The following ELF4 variants were observed in gnomAD, a reference collection of about 807,000 sequenced individuals.
The protein encoded by ELF4 is E74 like ETS transcription factor 4, also known as ETS-related transcription factor Elf-4.
Under a neutral mutation model 31.7 loss-of-function variants are expected in ELF4, and 10 were observed. The observed-to-expected ratio is 0.32, with a 90% CI of 0.19 to 0.54. The LOEUF is 0.54. Among genes scored for constraint, ELF4 ranks in the 20% least tolerant of loss-of-function variants. The probability of loss-of-function intolerance (pLI) is 0.95; values close to 1 mark genes in which losing one functional copy is unlikely to be tolerated. For missense variants in ELF4, 418 were observed against 522.0 expected (o/e 0.80, Z 1.94); for synonymous variants, 208 against 226.7 (o/e 0.92, Z 0.74).
In ELF4 at chrX:130,064,873, A is replaced by AT. The variant is rs905962726; in HGVS notation, c.*1847dup. Reference sequence around the variant, plus strand: ...AACCCATGCAGCACCTTTATGCAAAATTTTTTTTTAATGGTGACCCTTTAT... The same window carrying AT: ...AACCCATGCAGCACCTTTATGCAAAATTTTTTTTTTAATGGTGACCCTTTAT... On this transcript the variant is annotated 3_prime_UTR_variant, in exon 9 of 9. Transcript: ENST00000308167. The AT allele has an allele frequency of 1.0e-3, 139 of 139,443 alleles. No homozygotes were observed. Among genetic ancestry groups the AT allele is most frequent in the Non-Finnish European group, 1.4e-3 (99 of 69,674 alleles). 11.5% of individuals were successfully genotyped at this position (139,443 alleles called of 1,213,427 possible). A position where few individuals can be genotyped will look rare whatever the true frequency, so the allele number is the denominator to read the frequency against.
At chrX:130,076,800 A>G (rs1385026043) in intron 2 of ELF4, among the ~76,000 whole-genome samples, 1 of 110,799 alleles carries the variant, frequency 9.0e-6, no homozygotes, top group Non-Finnish European at 1.9e-5. Context: ...TATTTTCCAA[A>G]TTTTCTTTCA....
chrX:130,090,297 C>T lies in ELF4; in HGVS notation c.-209-8758G>A, dbSNP rs749087915. ...CTGAAGCAGGAGAATTGCTTGAACC[C>T]GGGAGATGGAGGTTGCAGTGAGCCA... On this transcript the variant is annotated intron_variant, in intron 1 of 8. Transcript: ENST00000308167. 8.2e-5 allele frequency among the ~76,000 whole-genome samples: 9 copies of T among 109,686 alleles called. No homozygotes were observed. In the South Asian group the frequency reaches 3.1e-3, roughly 38 times the overall value.
intron 2 of ELF4, among the ~76,000 whole-genome samples, chrX:130,077,925 A>T (rs1158533308): frequency 8.9e-6 from 1 of 112,062 alleles, no homozygotes; most frequent in Non-Finnish European, 1.9e-5. Flanking sequence ...ATACATGTCT[A>T]CATCTAAATA....
intron 1 of ELF4, among the ~76,000 whole-genome samples, chrX:130,088,010 T>G (rs1932988379): frequency 9.0e-6 from 1 of 110,917 alleles, no homozygotes; most frequent in Admixed American, 9.6e-5. Flanking sequence ...CCTGGAACTG[T>G]GGAATGAGAA....
chrX:130,069,360 G>A lies in ELF4; in HGVS notation c.1127C>T (p.Thr376Ile). 8.2e-7 allele frequency: 1 copy of A among 1,212,462 alleles called. No individual in the cohort carries two copies. Among genetic ancestry groups the A allele is most frequent in the Non-Finnish European group, 1.1e-6 (1 of 895,648 alleles). The change falls in exon 8 of 9, where the codon ACT becomes ATT. Residue 376 changes from threonine to isoleucine, a missense_variant. This residue lies in a region of ELF4 where 260 missense variants were observed against 269.2 expected (regional missense o/e 0.97). Coordinates refer to ENST00000308167, the MANE Select transcript of ELF4 (RefSeq NM_001421.4). ...TGGAGAGACGAGCATGGTGGAGGTA[G>A]TGGGGATCTCCTCGTCTAGCGACGG... ...LGPSLDEEIP[T>I]TSTMLVSPAE... is the part of the protein sequence containing the mutation.
At chrX:130,098,257 T>C (rs370879869) in intron 1 of ELF4, among the ~76,000 whole-genome samples, 1 of 111,512 alleles carries the variant, frequency 9.0e-6, no homozygotes, top group Admixed American at 9.5e-5. Context: ...GCGTTCTTTT[T>C]AAATTGTACC....
rs1780784881 is a variant in ELF4, at chrX:130,064,652, G to A, written c.*2069C>T. Among the ~76,000 whole-genome samples, 1 of 111,700 alleles carries A rather than the reference G, an allele frequency of 9.0e-6. No individual in the cohort carries two copies. Among genetic ancestry groups the A allele is most frequent in the Admixed American group, 9.5e-5 (1 of 10,539 alleles). On this transcript the variant is annotated 3_prime_UTR_variant, in exon 9 of 9. Transcript: ENST00000308167. Reference sequence around the variant, plus strand: ...TGAACAGCCACGTTGGAAGTGGTAGGTGAAGAACCAGCCCCGGAAAGGGTG... The same window carrying A: ...TGAACAGCCACGTTGGAAGTGGTAGATGAAGAACCAGCCCCGGAAAGGGTG...
chrX:130,086,816 G>A (rs998170507), intron 1 of ELF4, among the ~76,000 whole-genome samples: 1 of 112,535 alleles, frequency 8.9e-6, no homozygotes, highest in African/African-American at 3.2e-5. Context: ...AGCTCCAGAC[G>A]GTGGACCCCA....
chrX:130,107,311 G>A (rs771795798), intron 1 of ELF4, among the ~76,000 whole-genome samples: 8 of 107,955 alleles, frequency 7.4e-5, no homozygotes, highest in Non-Finnish European at 1.5e-4. Context: ...AAGAAAACCA[G>A]TGTTCCTTTC....
chrX:130,094,679 C>T (rs776218904), intron 1 of ELF4, among the ~76,000 whole-genome samples: 17 of 111,310 alleles, frequency 1.5e-4, no homozygotes, highest in South Asian at 3.8e-4. Flanking sequence ...AGGGCCCCGC[C>T]GCCCCTGAGG....
chrX:130,092,247 G>A (rs1249160378), intron 1 of ELF4, among the ~76,000 whole-genome samples: 2 of 113,326 alleles, frequency 1.8e-5, no homozygotes, highest in Non-Finnish European at 3.7e-5. Flanking sequence ...TGCTCTGCCA[G>A]CGGAAACAGC....
At chrX:130,092,280 C>T (rs1284165105) in intron 1 of ELF4, among the ~76,000 whole-genome samples, 1 of 113,375 alleles carries the variant, frequency 8.8e-6, no homozygotes, top group Non-Finnish European at 1.9e-5. Flanking sequence ...CTTCCTGTCC[C>T]AGGGGTTTCA....
chrX:130,071,076 G>A lies in ELF4; in HGVS notation c.773C>T (p.Pro258Leu). Residue 258 changes from proline to leucine, a missense_variant, in exon 7 of 9, where the codon CCT (proline) becomes CTT (leucine). Transcript: ENST00000308167. ...SKLWGKQKNK[P>L]DMNYETMGRA... The stretch of plus-strand genomic sequence containing the variant: ...CCCCATTGTCTCATAGTTCATGTCA[G>A]GCTTGTTTTTCTGCTTCCCCCACAG... The A allele has an allele frequency of 1.7e-6, 2 of 1,211,921 alleles. No individual in the cohort carries two copies. Among genetic ancestry groups the A allele is most frequent in the Non-Finnish European group, 2.2e-6 (2 of 895,559 alleles).
intron 7 of ELF4, 90 bp from the exon 8 acceptor site, chrX:130,069,767 G>C (rs1261553220): frequency 8.6e-7 from 1 of 1,168,099 alleles, no homozygotes; most frequent in African/African-American, 1.7e-5. Context: ...CTCCCCGAGG[G>C]CTAGGCAAGC....
intron 2 of ELF4, among the ~76,000 whole-genome samples, chrX:130,078,007 G>T (rs1932849301): frequency 9.0e-6 from 1 of 110,681 alleles, no homozygotes; most frequent in African/African-American, 3.3e-5. Context: ...AGTGAAAGGG[G>T]CTGGGTGCGG....
At chrX:130,105,854 C>CTGTGTGTGTGTGTGTGTG (rs60216838) in intron 1 of ELF4, among the ~76,000 whole-genome samples, 1 of 86,486 alleles carries the variant, frequency 1.2e-5, no homozygotes, top group Non-Finnish European at 2.3e-5. Context: ...CCCCAGGGGC[C>CTGTGTGTGTGTGTGTGTG]TGTGTGTGTG....
rs756054975 is a variant in ELF4, at chrX:130,067,140, T to C, written c.1573A>G (p.Ile525Val). The change falls in exon 9 of 9, where the codon ATC (isoleucine) becomes GTC (valine). Residue 525 changes from isoleucine (I) to valine (V), a missense_variant. Transcript: ENST00000308167. ...GCTGCTGTAGTGCCAGAAGTCCTGA[T>C]GAAGGCAGCAATGACAGTCCCAGGG... ...QPPGTVIAAF[I>V]RTSGTTAAPR... The C allele has an allele frequency of 2.5e-6, 3 of 1,200,888 alleles. No individual in the cohort carries two copies. The highest frequency in any genetic ancestry group is 3.6e-5 in the South Asian group (2 of 55,570).
chrX:130,072,136 G>A (rs1454843774), intron 5 of ELF4, 90 bp downstream of exon 5: 1 of 1,096,169 alleles, frequency 9.1e-7, no homozygotes, highest in Non-Finnish European at 1.3e-6. Context: ...CAGAGAGCTG[G>A]CCTCTTAACA....
chrX:130,104,783 G>A (rs755976202), intron 1 of ELF4, among the ~76,000 whole-genome samples: 2 of 111,936 alleles, frequency 1.8e-5, no homozygotes, highest in Non-Finnish European at 3.8e-5. Context: ...CACACTGGAA[G>A]AGGAAAGGAA....
Sources: allele counts gnomAD v4.1 joint callset (sites outside exome capture counted in the v4.1 genomes callset), GRCh38; gene constraint gnomAD v4.1.1; regional missense constraint gnomAD v4.1.1; transcripts MANE v1.5; gene names NCBI Gene and HGNC (gene_info 2026-07-23, HGNC 2026-07-21).